The following ITSN2 variants were observed in gnomAD, a reference collection of about 807,000 sequenced individuals.
ITSN2 encodes the protein intersectin 2.
ITSN2 carries 156 observed loss-of-function variants against 243.7 expected under a neutral mutation model. That is an observed-to-expected ratio of 0.64 (90% CI 0.56 to 0.73). The LOEUF (loss-of-function observed/expected upper bound fraction) is 0.73. Ranked by LOEUF, ITSN2 falls within the 30% of genes least tolerant of loss-of-function variation. The pLI is 0.00. For synonymous variants in ITSN2, 703 were observed against 699.9 expected (o/e 1.00, Z -0.07); for missense variants, 1,801 against 1,996.1 (o/e 0.90, Z 1.86).
intron 1 of ITSN2, among the ~76,000 whole-genome samples, chr2:24,351,072 C>T (rs1687980598): frequency 6.6e-6 from 1 of 152,148 alleles, no homozygotes; most frequent in African/African-American, 2.4e-5. Flanking sequence ...GCTCTATCTT[C>T]CGCCTACCCT....
intron 23 of ITSN2, among the ~76,000 whole-genome samples, chr2:24,256,538 G>T (rs981230358): frequency 1.3e-5 from 2 of 152,112 alleles, no homozygotes. Flanking sequence ...CTATATTATA[G>T]TACTTATTTC....
rs146528627 is a variant in ITSN2, at chr2:24,265,490, A to G, written c.2356-3748T>C. On this transcript the variant is annotated intron_variant, in intron 20 of 39. Coordinates refer to ENST00000355123, the MANE Select transcript of ITSN2 (RefSeq NM_006277.3). ...TCATTTAAATAGTTCTAGTAGCTTAATAGATTCTATGGGACTTTTTACATA... is the reference window on the plus strand; with the variant it reads ...TCATTTAAATAGTTCTAGTAGCTTAGTAGATTCTATGGGACTTTTTACATA... Among the ~76,000 whole-genome samples the G allele has an allele frequency of 6.4e-3, 967 of 151,868 alleles. 7 individuals carry two copies. Among genetic ancestry groups the G allele is most frequent in the African/African-American group, 0.022 (899 of 41,550 alleles).
Position 24,249,173 on chromosome 2 carries a change from T to C in ITSN2, c.3121-291A>G, listed in dbSNP as rs767781797. ...GAAACCTAAATATTAAACATGACCCTCCAGGCCAAATGCACTCCATTTATC... is the reference window on the plus strand; with the variant it reads ...GAAACCTAAATATTAAACATGACCCCCCAGGCCAAATGCACTCCATTTATC... On this transcript the variant is annotated intron_variant, in intron 25 of 39. Coordinates refer to ENST00000355123, the MANE Select transcript of ITSN2 (RefSeq NM_006277.3). This position sits in a 1 kb window ranked among gnomAD's most constrained non-coding sequence, Gnocchi z 4.4. Among the ~76,000 whole-genome samples, 3 of 152,200 alleles carry C rather than the reference T, an allele frequency of 2.0e-5. No individual in the cohort carries two copies. The highest frequency in any genetic ancestry group is 1.3e-4 in the Admixed American group (2 of 15,286).
chr2:24,266,371 TA>T (rs1676658591), intron 20 of ITSN2, among the ~76,000 whole-genome samples: 1 of 152,172 alleles, frequency 6.6e-6, no homozygotes, highest in Non-Finnish European at 1.5e-5. Flanking sequence ...ACAATAGACT[TA>T]AAGCTTAATT....
At chr2:24,337,331 T>TATATATATACATAC (rs1558650509) in intron 1 of ITSN2, among the ~76,000 whole-genome samples, 2 of 3,062 alleles carry the variant, frequency 6.5e-4, no homozygotes, top group African/African-American at 2.0e-3. Flanking sequence ...TATATATATA[T>TATATATATACATAC]ATATATATAT....
chr2:24,278,645 CTTT>C (rs908928502), intron 17 of ITSN2, among the ~76,000 whole-genome samples: 5 of 103,004 alleles, frequency 4.9e-5, no homozygotes, highest in Admixed American at 2.1e-4. Context: ...TGTTCTCAAT[CTTT>C]TTTTTTTTTT....
At chr2:24,212,838 TTTTA>T (rs764589283) in intron 32 of ITSN2, 90 bp from the exon 33 acceptor site, 45 of 1,035,964 alleles carry the variant, frequency 4.3e-5, no homozygotes, top group Non-Finnish European at 6.0e-5. Context: ...TTCACATTTC[TTTTA>T]TTTATTTATG....
chr2:24,209,010 T>A, intron 36 of ITSN2, 90 bp downstream of exon 36: 5 of 1,461,612 alleles, frequency 3.4e-6, no homozygotes, highest in Non-Finnish European at 4.8e-6. Context: ...TAGTGGGGCT[T>A]AAGCACGGCT....
chr2:24,206,371 G>A (rs1030405925), intron 37 of ITSN2: 3 of 257,056 alleles, frequency 1.2e-5, no homozygotes, highest in South Asian at 3.4e-5. Flanking sequence ...GGGGCCCGGC[G>A]GGAAGGAAGG....
intron 2 of ITSN2, among the ~76,000 whole-genome samples, chr2:24,317,035 A>G (rs1684008948): frequency 6.6e-6 from 1 of 152,242 alleles, no homozygotes. Context: ...TAGAAATGGT[A>G]TATCAAAGAA....
At chr2:24,337,331 T>TAC (rs1686528391) in intron 1 of ITSN2, among the ~76,000 whole-genome samples, 3 of 3,056 alleles carry the variant, frequency 9.8e-4, no homozygotes, top group Admixed American at 4.1e-3. Context: ...TATATATATA[T>TAC]ATATATATAT....
At position 24,203,102 on chromosome 2, in the gene ITSN2, A is replaced by G. The variant is rs1168390949; in HGVS notation, c.*524T>C. 2 of 152,826 alleles carry G rather than the reference A, an allele frequency of 1.3e-5. No individual in the cohort carries two copies. Among genetic ancestry groups the G allele is most frequent in the Non-Finnish European group, 2.9e-5 (2 of 68,172 alleles). 9.5% of individuals were successfully genotyped at this position (152,826 alleles called of 1,614,324 possible). ...TAGCAGAGAGTGATAAAATCTAATC[A>G]GGAATAAAATGATCAAGTTTCTGTT... On this transcript the variant is annotated 3_prime_UTR_variant, in exon 40 of 40. Coordinates refer to ENST00000355123, the MANE Select transcript of ITSN2 (RefSeq NM_006277.3).
In ITSN2 at chr2:24,211,107, G is replaced by T. The variant is rs982363840; in HGVS notation, c.4090-160C>A. ...GACACTTTCCGCCCTTGAGAAACTC[G>T]TACTCCCACAAGTTCTTGGGGACAC... On this transcript the variant is annotated intron_variant, in intron 33 of 39. Coordinates refer to ENST00000355123, the MANE Select transcript of ITSN2 (RefSeq NM_006277.3). This position sits in a 1 kb window ranked among gnomAD's most constrained non-coding sequence, Gnocchi z 4.1. Among the ~76,000 whole-genome samples the T allele has an allele frequency of 2.0e-5, 3 of 152,158 alleles. No individual in the cohort carries two copies. Among genetic ancestry groups the T allele is most frequent in the Admixed American group, 1.3e-4 (2 of 15,286 alleles).
chr2:24,225,974 C>T lies in ITSN2; in HGVS notation c.3578-4908G>A, dbSNP rs539773152. Among the ~76,000 whole-genome samples, 2 of 152,230 alleles carry T rather than the reference C, an allele frequency of 1.3e-5. No homozygotes were observed. The highest frequency in any genetic ancestry group is 2.1e-4 in the South Asian group (1 of 4,818). On this transcript the variant is annotated intron_variant, in intron 29 of 39. Transcript: ENST00000355123. The surrounding 1 kb of genome is among the most constrained non-coding windows in gnomAD (Gnocchi z 4.2). ...AGAGTAGCCCTTAGCAAGCTGTGAC[C>T]GCTGAACACATGCAGTGTTTCCATG...
intron 14 of ITSN2, 23 bp from the exon 15 acceptor site, chr2:24,293,798 C>A (rs747895444): frequency 2.9e-6 from 2 of 700,394 alleles, no homozygotes; most frequent in Non-Finnish European, 4.9e-6. Context: ...AAAAATAGTA[C>A]CTGATTACAA....
chr2:24,337,346 ATATATATG>A (rs1478467732), intron 1 of ITSN2, among the ~76,000 whole-genome samples: 6 of 119,960 alleles, frequency 5.0e-5, no homozygotes, highest in South Asian at 2.5e-4. Context: ...ATATATATAT[ATATATATG>A]TAATTTTTTT....
At chr2:24,359,690 C>T (rs1688772646) in intron 1 of ITSN2, among the ~76,000 whole-genome samples, 1 of 152,098 alleles carries the variant, frequency 6.6e-6, no homozygotes, top group Non-Finnish European at 1.5e-5. Flanking sequence ...TTACATCTCT[C>T]GGTGCTTCCT....
At chr2:24,301,316 T>A (rs1681703305) in intron 10 of ITSN2, 77 bp from the exon 11 acceptor site, 2 of 760,226 alleles carry the variant, frequency 2.6e-6, no homozygotes, top group African/African-American at 1.7e-5. Flanking sequence ...CTACCAGTGA[T>A]TATGGCAATT....
At chr2:24,294,903 C>T (rs982325620) in intron 14 of ITSN2, among the ~76,000 whole-genome samples, 5 of 152,090 alleles carry the variant, frequency 3.3e-5, no homozygotes. Flanking sequence ...GACTGCCTTA[C>T]CCTTTCTGCA....
Sources: allele counts gnomAD v4.1 joint callset (sites outside exome capture counted in the v4.1 genomes callset), GRCh38; gene constraint gnomAD v4.1.1; non-coding constraint Gnocchi (gnomAD v3.1); transcripts MANE v1.5; gene names NCBI Gene and HGNC (gene_info 2026-07-23, HGNC 2026-07-21).